SPAG7: variants seen among roughly 807,000 people sequenced by gnomAD.
SPAG7 encodes the protein sperm-associated antigen 7.
A neutral mutation model predicts 30.6 loss-of-function variants in SPAG7; 20 were observed. The ratio of observed to expected loss-of-function variants is 0.65; its 90% CI spans 0.46 to 0.95. The LOEUF (loss-of-function observed/expected upper bound fraction) is 0.95, where lower values mean the gene tolerates loss of function less well. Among genes scored for constraint, SPAG7 ranks in the 40% least tolerant of loss-of-function variants. SPAG7 has a pLI of 0.00. For synonymous variants in SPAG7, 127 were observed against 104.2 expected, an observed-to-expected ratio of 1.22 and a Z score of -1.33; for missense variants, 276 against 291.1, an observed-to-expected ratio of 0.95 and a Z score of 0.38.
At chr17:4,960,388 AG>A (rs978332010) in intron 3 of SPAG7, 70 bp from the exon 4 acceptor site, 2 of 1,597,472 alleles carry the variant, frequency 1.3e-6, no homozygotes, top group Admixed American at 3.3e-5. Context: ...CCTCTGGAGG[AG>A]CCCCCCGCTG....
In SPAG7 at chr17:4,959,490, C is replaced by T; in HGVS notation, c.*44G>A. On this transcript the variant is annotated 3_prime_UTR_variant, in exon 7 of 7. Transcript: ENST00000206020. Reference sequence around the variant, plus strand: ...ATAGCAGCAGCCTTGTCTCTCCCTGCCCCCTGCCCTGCCCCAGGGGTCAAA... The same window carrying T: ...ATAGCAGCAGCCTTGTCTCTCCCTGTCCCCTGCCCTGCCCCAGGGGTCAAA... 1.3e-6 allele frequency: 2 copies of T among 1,496,802 alleles called. No individual in the cohort carries two copies. Among genetic ancestry groups the T allele is most frequent in the African/African-American group, 1.4e-5 (1 of 72,842 alleles). 92.7% of individuals were successfully genotyped at this position (1,496,802 alleles called of 1,614,324 possible).
At chr17:4,964,600 A>G (rs1971918523) in intron 1 of SPAG7, among the ~76,000 whole-genome samples, 1 of 151,888 alleles carries the variant, frequency 6.6e-6, no homozygotes, top group East Asian at 2.0e-4. Flanking sequence ...TGACCTCATG[A>G]TCCACCCGCC....
intron 1 of SPAG7, among the ~76,000 whole-genome samples, chr17:4,963,018 T>C (rs1971889744): frequency 6.6e-6 from 1 of 151,636 alleles, no homozygotes; most frequent in Admixed American, 6.6e-5. Flanking sequence ...CCTCCCACCT[T>C]GACCTTCCAA....
intron 1 of SPAG7, among the ~76,000 whole-genome samples, chr17:4,962,802 C>T (rs1163820470): frequency 2.6e-5 from 4 of 152,030 alleles, no homozygotes; most frequent in African/African-American, 9.7e-5. Flanking sequence ...CCCGCCTCAG[C>T]CTCCCAAAGT....
chr17:4,960,819 T>A lies in SPAG7; in HGVS notation c.120A>T (p.Gln40His). ...QAARLKKLQE[Q>H]EKQQKVEFRK... ...GAAACTCCACTTTCTGTTGTTTCTCTTGCTCTTGTAGTTTCTTCAGGCGGG... is the reference window on the plus strand; with the variant it reads ...GAAACTCCACTTTCTGTTGTTTCTCATGCTCTTGTAGTTTCTTCAGGCGGG... Residue 40 changes from glutamine (Q) to histidine (H), a missense_variant, in exon 2 of 7, where the codon CAA (glutamine) becomes CAT (histidine). Gln to His is a conservative substitution (Grantham distance 24). Coordinates refer to ENST00000206020, the MANE Select transcript of SPAG7 (RefSeq NM_004890.3). 6.2e-7 allele frequency: 1 copy of A among 1,614,132 alleles called. No homozygotes were observed. The highest frequency in any genetic ancestry group is 8.5e-7 in the Non-Finnish European group (1 of 1,179,990).
At chr17:4,965,164 C>T (rs1393712813) in intron 1 of SPAG7, among the ~76,000 whole-genome samples, 2 of 152,260 alleles carry the variant, frequency 1.3e-5, no homozygotes, top group Non-Finnish European at 2.9e-5. Context: ...CCGCCCGCCT[C>T]AGCCTCCCAA....
intron 4 of SPAG7, 46 bp from the exon 5 acceptor site, chr17:4,960,157 C>T (rs1434638970): frequency 1.2e-6 from 2 of 1,604,312 alleles, no homozygotes; most frequent in Non-Finnish European, 1.7e-6. Flanking sequence ...ACAAATGTTT[C>T]ATTTCATTCC....
intron 1 of SPAG7, chr17:4,967,057 C>G (rs1900865458): frequency 2.0e-6 from 2 of 985,614 alleles, no homozygotes; most frequent in African/African-American, 1.7e-5. Context: ...GAAGCTACTC[C>G]GAGAACGCAG....
At chr17:4,966,836 T>G in intron 1 of SPAG7, 9 of 985,464 alleles carry the variant, frequency 9.1e-6, no homozygotes, top group Non-Finnish European at 9.6e-6. Flanking sequence ...CTTGAATACT[T>G]GGAAGGCGTC....
At chr17:4,961,551 C>T (rs528005736) in intron 1 of SPAG7, among the ~76,000 whole-genome samples, 1 of 149,318 alleles carries the variant, frequency 6.7e-6, no homozygotes, top group African/African-American at 2.5e-5. Context: ...GTCAGAAGAT[C>T]GAGACCATCC....
At chr17:4,962,354 TC>T (rs914378057) in intron 1 of SPAG7, among the ~76,000 whole-genome samples, 1 of 151,900 alleles carries the variant, frequency 6.6e-6, no homozygotes, top group African/African-American at 2.4e-5. Context: ...GCTCAAGTGA[TC>T]CCCCCGCCTC....
chr17:4,963,649 G>A (rs1447022922), intron 1 of SPAG7, among the ~76,000 whole-genome samples: 1 of 151,850 alleles, frequency 6.6e-6, no homozygotes, highest in Non-Finnish European at 1.5e-5. Context: ...AGTAGAGATG[G>A]GGTTTCACCA....
chr17:4,967,596 G>C (rs747706345), intron 1 of SPAG7, 124 bp downstream of exon 1: 3 of 753,192 alleles, frequency 4.0e-6, no homozygotes, highest in Non-Finnish European at 4.6e-6. Flanking sequence ...TAGGGACTCT[G>C]AGGGTCTCGG....
At chr17:4,962,720 T>C (rs943527669) in intron 1 of SPAG7, among the ~76,000 whole-genome samples, 1 of 152,170 alleles carries the variant, frequency 6.6e-6, no homozygotes, top group Admixed American at 6.5e-5. Flanking sequence ...CAGCTAATTT[T>C]TGTATTTTTA....
At position 4,967,741 on chromosome 17, in the gene SPAG7, C is replaced by G. The variant is rs774776318; in HGVS notation, c.64G>C (p.Glu22Gln). 4 of 1,614,084 alleles carry G rather than the reference C, an allele frequency of 2.5e-6. No homozygotes were observed. The South Asian group carries it at 4.4e-5, about 18-fold the overall frequency. Residue 22 changes from glutamate (E) to glutamine (Q), a missense_variant, in exon 1 of 7, where the codon GAG becomes CAG. By Grantham distance (29) the Glu-to-Gln change is conservative. Coordinates refer to ENST00000206020, the MANE Select transcript of SPAG7 (RefSeq NM_004890.3). The stretch of plus-strand genomic sequence containing the variant: ...TCACCTCGGGCCTTGCGCCGAGTCT[C>G]CTGGTCACCGAGGCTGGGTGGCTTC... Reference protein sequence around the residue: ...MEKPPSLGDQETRRKAREQAA... With the variant: ...MEKPPSLGDQQTRRKAREQAA...
chr17:4,961,713 A>C, intron 1 of SPAG7, among the ~76,000 whole-genome samples: 1 of 144,166 alleles, frequency 6.9e-6, no homozygotes, highest in African/African-American at 2.6e-5. Flanking sequence ...TGCAGTGAGC[A>C]GAGATGGCGC....
chr17:4,962,385 A>T (rs1296308459), intron 1 of SPAG7, among the ~76,000 whole-genome samples: 1 of 152,020 alleles, frequency 6.6e-6, no homozygotes, highest in African/African-American at 2.4e-5. Context: ...AAAGTGCTGG[A>T]ATTATAGGCG....
chr17:4,960,351 T>C (rs751286728), intron 3 of SPAG7, 33 bp from the exon 4 acceptor site: 5 of 1,611,748 alleles, frequency 3.1e-6, no homozygotes, highest in Non-Finnish European at 3.4e-6. Flanking sequence ...AAAGAGCATC[T>C]TGAGCCAGGA....
At chr17:4,966,927 T>C in intron 1 of SPAG7, 1 of 985,396 alleles carries the variant, frequency 1.0e-6, no homozygotes, top group South Asian at 4.7e-5. Context: ...GTTTGGGAGT[T>C]GGGGTCCTGC....
Sources: allele counts gnomAD v4.1 joint callset (sites outside exome capture counted in the v4.1 genomes callset), GRCh38; gene constraint gnomAD v4.1.1; transcripts MANE v1.5; gene names NCBI Gene and HGNC (gene_info 2026-07-23, HGNC 2026-07-21).